The following BNC2 variants were observed in gnomAD, a reference collection of about 807,000 sequenced individuals.
BNC2 encodes zinc finger protein basonuclin-2.
A neutral mutation model predicts 76.3 loss-of-function variants in BNC2; 20 were observed. The observed-to-expected ratio is 0.26, with a 90% CI of 0.18 to 0.38. The LOEUF (loss-of-function observed/expected upper bound fraction) is 0.38, where lower values mean the gene tolerates loss of function less well. BNC2 is among the 10% of genes least tolerant of loss of function. The pLI is 1.00. For missense variants in BNC2, 1,382 were observed against 1,399.8 expected (o/e 0.99, Z 0.20); for synonymous variants, 582 against 514.8 (o/e 1.13, Z -1.77).
At chr9:16,550,093 G>A (rs1818612925) in intron 5 of BNC2, among the ~76,000 whole-genome samples, 2 of 152,042 alleles carry the variant, frequency 1.3e-5, no homozygotes, top group African/African-American at 4.8e-5. Flanking sequence ...ATAAATTTTA[G>A]TTCCTGGTTT....
intron 1 of BNC2, among the ~76,000 whole-genome samples, chr9:16,798,163 G>C (rs1817700848): frequency 1.3e-5 from 2 of 152,176 alleles, no homozygotes; most frequent in Non-Finnish European, 1.5e-5. Flanking sequence ...ATTAGGAAGA[G>C]AAAATGAACT....
rs1215406348 is a variant in BNC2, at chr9:16,532,486, T to C, written c.669+20044A>G. On this transcript the variant is annotated intron_variant, in intron 5 of 6. Transcript: ENST00000380672. ...TACAATAGACACTGACCACAACCTA[T>C]CTTCCTATTCACCAGAAATGGTTTT... Among the ~76,000 whole-genome samples, 3 of 152,258 alleles carry C rather than the reference T, an allele frequency of 2.0e-5. No homozygotes were observed. The East Asian group carries it at 5.8e-4, about 29-fold the overall frequency.
intron 4 of BNC2, among the ~76,000 whole-genome samples, chr9:16,571,217 CT>C (rs954464179): frequency 8.5e-5 from 13 of 152,160 alleles, no homozygotes; most frequent in Non-Finnish European, 1.3e-4. Context: ...TTCTTAATAG[CT>C]TTTTTTAATT....
intron 5 of BNC2, among the ~76,000 whole-genome samples, chr9:16,475,476 C>A (rs10962433): frequency 1.3e-5 from 2 of 151,062 alleles, no homozygotes; most frequent in African/African-American, 4.9e-5. Flanking sequence ...TAGCATTACG[C>A]TACAGCTCAC....
At chr9:16,486,623 C>T (rs1162703976) in intron 5 of BNC2, among the ~76,000 whole-genome samples, 3 of 152,196 alleles carry the variant, frequency 2.0e-5, no homozygotes, top group Non-Finnish European at 2.9e-5. Context: ...ACATTAGGCT[C>T]TCAAATATTT....
intron 5 of BNC2, among the ~76,000 whole-genome samples, chr9:16,445,296 G>C (rs968865477): frequency 6.6e-5 from 10 of 152,186 alleles, no homozygotes; most frequent in Non-Finnish European, 1.5e-4. Context: ...ATATACATCA[G>C]AGCACTTTGC....
chr9:16,421,353 A>G (rs1587008084), intron 6 of BNC2: 1 of 1,127,652 alleles, frequency 8.9e-7, no homozygotes, highest in African/African-American at 1.7e-5. Context: ...AAGAAAGAGA[A>G]AGAGAGAGAG....
chr9:16,551,282 C>T (rs892164568), intron 5 of BNC2, among the ~76,000 whole-genome samples: 2 of 152,154 alleles, frequency 1.3e-5, no homozygotes, highest in African/African-American at 2.4e-5. Context: ...TTCCAACTCC[C>T]TTCCCTTTCC....
intron 5 of BNC2, among the ~76,000 whole-genome samples, chr9:16,473,803 G>A (rs2131404234): frequency 6.6e-6 from 1 of 152,298 alleles, no homozygotes; most frequent in Admixed American, 6.5e-5. Flanking sequence ...AACCCAGGAG[G>A]CGGAGGTTGC....
At chr9:16,447,414 C>A (rs963012905) in intron 5 of BNC2, among the ~76,000 whole-genome samples, 2 of 152,062 alleles carry the variant, frequency 1.3e-5, no homozygotes, top group Non-Finnish European at 2.9e-5. Flanking sequence ...CTATTTATGC[C>A]TAGAATCTGA....
At chr9:16,641,168 C>T (rs1413811454) in intron 3 of BNC2, among the ~76,000 whole-genome samples, 1 of 152,122 alleles carries the variant, frequency 6.6e-6, no homozygotes, top group Non-Finnish European at 1.5e-5. Context: ...CAAAGAAAGA[C>T]CACTGATTAC....
In BNC2 at chr9:16,553,276, C is replaced by T. The variant is rs1378006823; in HGVS notation, c.434-511G>A. On this transcript the variant is annotated intron_variant, in intron 4 of 6. Transcript: ENST00000380672. ...GAGGAGGAAGAGAGTGTTCTTTAGA[C>T]GACAGGGGTGAAAGACCTAATTTGG... is the stretch of plus-strand genomic sequence containing the variant. 3.3e-5 allele frequency among the ~76,000 whole-genome samples: 5 copies of T among 152,106 alleles called. No individual in the cohort carries two copies. The East Asian group carries it at 5.8e-4, about 18-fold the overall frequency.
At chr9:16,507,077 T>TGACC (rs1290787553) in intron 5 of BNC2, among the ~76,000 whole-genome samples, 2 of 152,018 alleles carry the variant, frequency 1.3e-5, no homozygotes, top group African/African-American at 2.4e-5. Context: ...AAGGCCCGCC[T>TGACC]GACCTTCTGG....
At chr9:16,493,813 T>C (rs1822327940) in intron 5 of BNC2, among the ~76,000 whole-genome samples, 1 of 152,164 alleles carries the variant, frequency 6.6e-6, no homozygotes, top group African/African-American at 2.4e-5. Flanking sequence ...CAGGTGAAGA[T>C]GAACCATCTA....
chr9:16,670,851 T>C (rs1175042134), intron 3 of BNC2, among the ~76,000 whole-genome samples: 1 of 152,110 alleles, frequency 6.6e-6, no homozygotes, highest in Non-Finnish European at 1.5e-5. Flanking sequence ...AATGTATGGG[T>C]TCCTTGGACT....
chr9:16,427,854 G>C (rs1820831102), intron 6 of BNC2, among the ~76,000 whole-genome samples: 1 of 152,130 alleles, frequency 6.6e-6, no homozygotes, highest in Non-Finnish European at 1.5e-5. Flanking sequence ...AATCAACCGA[G>C]CACCACTGTC....
intron 5 of BNC2, among the ~76,000 whole-genome samples, chr9:16,464,122 A>G (rs1012812959): frequency 1.3e-5 from 2 of 151,560 alleles, no homozygotes; most frequent in Admixed American, 6.6e-5. Flanking sequence ...AAGAAAGAAG[A>G]CAAATATAAA....
At chr9:16,771,968 T>A (rs1001590432) in intron 1 of BNC2, among the ~76,000 whole-genome samples, 1 of 152,310 alleles carries the variant, frequency 6.6e-6, no homozygotes, top group East Asian at 1.9e-4. Context: ...GGAAAAAGAA[T>A]TTTTAAATCC....
At chr9:16,606,764 G>A (rs1002749131) in intron 3 of BNC2, among the ~76,000 whole-genome samples, 1 of 152,098 alleles carries the variant, frequency 6.6e-6, no homozygotes, top group South Asian at 2.1e-4. Context: ...CGCCACGTTG[G>A]CCAGGCTGGT....
Sources: gnomAD v4.1 joint callset for allele counts (sites outside exome capture counted in the v4.1 genomes callset) on GRCh38, gnomAD v4.1.1 for gene constraint, MANE v1.5 for transcripts, NCBI Gene and HGNC (gene_info 2026-07-23, HGNC 2026-07-21) for gene names.